The following LRRC8C variants were observed in gnomAD, a reference collection of about 807,000 sequenced individuals.
LRRC8C encodes leucine rich repeat containing 8 VRAC subunit C.
A neutral mutation model predicts 55.3 loss-of-function variants in LRRC8C; 20 were observed. The ratio of observed to expected loss-of-function variants is 0.36; its 90% CI spans 0.25 to 0.53. The LOEUF is 0.53. Among genes scored for constraint, LRRC8C ranks in the 20% least tolerant of loss-of-function variants. The pLI, the probability that LRRC8C is intolerant of heterozygous loss-of-function variation, is 0.92. For missense variants in LRRC8C, 659 were observed against 951.4 expected (o/e 0.69, Z 4.04); for synonymous variants, 376 against 360.7 (o/e 1.04, Z -0.48).
In LRRC8C at chr1:89,713,234, G is replaced by A; in HGVS notation, c.664G>A (p.Val222Ile). The A allele has an allele frequency of 6.2e-7, 1 of 1,614,218 alleles. No individual in the cohort carries two copies. Among genetic ancestry groups the A allele is most frequent in the Non-Finnish European group, 8.5e-7 (1 of 1,180,048 alleles). Residue 222 changes from valine to isoleucine, a missense_variant, in exon 3 of 3, where the codon GTT (valine) becomes ATT (isoleucine). Val to Ile is a conservative substitution (Grantham distance 29). Coordinates refer to ENST00000370454, the MANE Select transcript of LRRC8C (RefSeq NM_032270.5). The surrounding 1 kb of genome is among the most constrained non-coding windows in gnomAD (Gnocchi z 5.2). ...AAAGTCCATTCCTGAGAAGTTTGTAGTTGATAAATCCACTGCAGGGGCTCT... is the reference window on the plus strand; with the variant it reads ...AAAGTCCATTCCTGAGAAGTTTGTAATTGATAAATCCACTGCAGGGGCTCT... Reference protein sequence around the residue: ...SLKSIPEKFVVDKSTAGALDK... With the variant: ...SLKSIPEKFVIDKSTAGALDK...
At chr1:89,647,175 C>G (rs1656636797) in intron 1 of LRRC8C, among the ~76,000 whole-genome samples, 1 of 152,206 alleles carries the variant, frequency 6.6e-6, no homozygotes, top group Non-Finnish European at 1.5e-5. Context: ...TTTCTAGCCT[C>G]TCTTTCTTGT....
At chr1:89,692,531 C>G (rs1044346288) in intron 2 of LRRC8C, among the ~76,000 whole-genome samples, 5 of 152,184 alleles carry the variant, frequency 3.3e-5, no homozygotes, top group African/African-American at 4.8e-5. Flanking sequence ...CTTTCTTGCA[C>G]TTATGTAAAA....
At chr1:89,686,747 T>C in intron 2 of LRRC8C, 136 bp downstream of exon 2, 1 of 1,005,950 alleles carries the variant, frequency 9.9e-7, no homozygotes, top group Non-Finnish European at 1.4e-6. Flanking sequence ...TTTGTAATCA[T>C]AGCAGAGAAC....
chr1:89,628,320 G>A (rs1196340178), upstream of LRRC8C, among the ~76,000 whole-genome samples: 4 of 152,150 alleles, frequency 2.6e-5, no homozygotes, highest in Non-Finnish European at 5.9e-5. Flanking sequence ...AAATTTATTT[G>A]ATCGTAGTTT....
chr1:89,711,688 A>G (rs375263525), intron 2 of LRRC8C, among the ~76,000 whole-genome samples: 16 of 152,132 alleles, frequency 1.1e-4, no homozygotes, highest in South Asian at 6.2e-4. Flanking sequence ...CCAAATTGCA[A>G]TTTTTTGAGT....
intron 2 of LRRC8C, among the ~76,000 whole-genome samples, chr1:89,709,237 G>A (rs1658576273): frequency 6.6e-6 from 1 of 152,206 alleles, no homozygotes; most frequent in African/African-American, 2.4e-5. Flanking sequence ...GAAAAGACAG[G>A]TTTAAATTCC....
upstream of LRRC8C, chr1:89,633,119 C>T (rs1399371496): frequency 1.3e-5 from 2 of 151,966 alleles, no homozygotes; most frequent in African/African-American, 4.8e-5. Flanking sequence ...GGGGCTGGGG[C>T]GTTAGCTGCG....
At chr1:89,667,486 T>TC (rs1240774958) in intron 1 of LRRC8C, among the ~76,000 whole-genome samples, 2 of 152,132 alleles carry the variant, frequency 1.3e-5, no homozygotes, top group Non-Finnish European at 2.9e-5. Flanking sequence ...TCACACCCAA[T>TC]CCATCAGCTA....
rs1345008330 is a variant in LRRC8C at position 89,712,906 on chromosome 1, T to A, written c.336T>A (p.Asn112Lys). Residue 112 changes from asparagine (N) to lysine (K), a missense_variant, in exon 3 of 3, where the codon AAT (asparagine) becomes AAA (lysine). Physicochemically the swap from Asn to Lys is moderately conservative, Grantham distance 94. Coordinates refer to ENST00000370454, the MANE Select transcript of LRRC8C (RefSeq NM_032270.5). ...DLDLQQYSFI[N>K]QMCYERALHW... The stretch of plus-strand genomic sequence containing the variant: ...ACCTTCAGCAGTACAGCTTTATAAA[T>A]CAGATGTGTTATGAGCGAGCCCTCC... The A allele has an allele frequency of 2.5e-6, 4 of 1,613,996 alleles. No homozygotes were observed. Among genetic ancestry groups the A allele is most frequent in the Non-Finnish European group, 3.4e-6 (4 of 1,180,026 alleles).
chr1:89,661,151 A>T (rs1011003020), intron 1 of LRRC8C: 4 of 178,170 alleles, frequency 2.2e-5, no homozygotes, highest in East Asian at 1.8e-4. Flanking sequence ...TAAGCGGAAA[A>T]TTGTGTGGAT....
chr1:89,671,071 G>C (rs1657399941), intron 1 of LRRC8C, among the ~76,000 whole-genome samples: 1 of 151,190 alleles, frequency 6.6e-6, no homozygotes, highest in African/African-American at 2.4e-5. Context: ...TTATTTTTTT[G>C]AGATGGGGTC....
At chr1:89,627,290 A>AT in the LRRC8C span, among the ~76,000 whole-genome samples, 2 of 151,478 alleles carry the variant, frequency 1.3e-5, no homozygotes, top group Non-Finnish European at 2.9e-5. Context: ...TATATTTCTT[A>AT]TTATATCATA....
rs78622310 is a variant in LRRC8C, at chr1:89,679,774, T to C, written c.-4-6696T>C. On this transcript the variant is annotated intron_variant, in intron 1 of 2. Transcript: ENST00000370454. ...TTGGTTCTTGTTTTCTTGAATGATA[T>C]ATGATTGTGCTAAAGGTGATACTAT... Among the ~76,000 whole-genome samples the C allele has an allele frequency of 6.3e-4, 96 of 152,328 alleles. 1 individual carries two copies. The East Asian group carries it at 0.013, about 21-fold the overall frequency.
At chr1:89,707,789 C>T (rs1381871863) in intron 2 of LRRC8C, among the ~76,000 whole-genome samples, 1 of 151,976 alleles carries the variant, frequency 6.6e-6, no homozygotes, top group Non-Finnish European at 1.5e-5. Flanking sequence ...TTTTCTTCTT[C>T]CCTTCTAACC....
At chr1:89,622,428 G>T in the LRRC8C span, among the ~76,000 whole-genome samples, 23 of 151,072 alleles carry the variant, frequency 1.5e-4, no homozygotes, top group Non-Finnish European at 2.8e-4. Context: ...CGCCTCCTGG[G>T]TTCACGCCAT....
chr1:89,683,982 A>G (rs1657798635), intron 1 of LRRC8C, among the ~76,000 whole-genome samples: 1 of 152,160 alleles, frequency 6.6e-6, no homozygotes, highest in African/African-American at 2.4e-5. Context: ...ATTTGCAAAA[A>G]TTTAGAACAA....
intron 2 of LRRC8C, among the ~76,000 whole-genome samples, chr1:89,710,011 A>G (rs1658605008): frequency 6.6e-6 from 1 of 152,132 alleles, no homozygotes; most frequent in South Asian, 2.1e-4. Context: ...TTGGCCTCCC[A>G]AAATGCTGGG....
chr1:89,700,305 T>C (rs1489899903), intron 2 of LRRC8C, among the ~76,000 whole-genome samples: 2 of 152,202 alleles, frequency 1.3e-5, no homozygotes, highest in Non-Finnish European at 2.9e-5. Flanking sequence ...AAGCCTGAGC[T>C]CTTACTGTAG....
rs537088092 is a variant in LRRC8C at position 89,713,224 on chromosome 1, G to A, written c.654G>A (p.Glu218=). Residue 218 remains glutamate (E), a synonymous_variant, in exon 3 of 3, where the codon GAG becomes GAA. Transcript: ENST00000370454. This position sits in a 1 kb window ranked among gnomAD's most constrained non-coding sequence, Gnocchi z 5.2. ...CTCAGTCTTTAAAGTCCATTCCTGA[G>A]AAGTTTGTAGTTGATAAATCCACTG... ...VNSQSLKSIP[E]KFVVDKSTAG... The A allele has an allele frequency of 9.3e-6, 15 of 1,614,210 alleles. No individual in the cohort carries two copies. In the African/African-American group the frequency reaches 1.5e-4, roughly 16 times the overall value.
Sources: gnomAD v4.1 joint callset for allele counts (sites outside exome capture counted in the v4.1 genomes callset) on GRCh38, gnomAD v4.1.1 for gene constraint, Gnocchi (gnomAD v3.1) non-coding constraint, MANE v1.5 for transcripts, NCBI Gene and HGNC (gene_info 2026-07-23, HGNC 2026-07-21) for gene names.